SH3KBP1: variants seen among roughly 807,000 people sequenced by gnomAD.
SH3KBP1 encodes the protein SH3 domain containing kinase binding protein 1.
In SH3KBP1, 8 loss-of-function variants were observed where a neutral mutation model predicts 50.1. The observed-to-expected ratio is 0.16, with a 90% confidence interval of 0.09 to 0.29. The LOEUF is 0.29. Ranked by LOEUF, SH3KBP1 falls within the 10% of genes least tolerant of loss-of-function variation. The pLI, the probability that SH3KBP1 is intolerant of heterozygous loss-of-function variation, is 1.00. For missense variants in SH3KBP1, 377 were observed against 535.2 expected, an observed-to-expected ratio of 0.70 and a Z score of 2.92; for synonymous variants, 227 against 218.6, an observed-to-expected ratio of 1.04 and a Z score of -0.34.
chrX:19,738,437 C>A (rs956371124), intron 3 of SH3KBP1, among the ~76,000 whole-genome samples: 1 of 110,343 alleles, frequency 9.1e-6, no homozygotes, highest in Non-Finnish European at 1.9e-5. Flanking sequence ...CCCACTTTCA[C>A]GACATGCCTC....
intron 1 of SH3KBP1, among the ~76,000 whole-genome samples, chrX:19,879,945 G>A (rs2069381989): frequency 8.9e-6 from 1 of 112,200 alleles, no homozygotes; most frequent in Non-Finnish European, 1.9e-5. Context: ...TGCGGGGGGC[G>A]GCTGGCCTGT....
At chrX:19,547,908 A>C (rs1212900860) in intron 14 of SH3KBP1, among the ~76,000 whole-genome samples, 1 of 112,837 alleles carries the variant, frequency 8.9e-6, no homozygotes, top group Non-Finnish European at 1.9e-5. Flanking sequence ...TACACATCCA[A>C]GTAGGGATGA....
rs894454119 is a variant in SH3KBP1 at position 19,617,800 on chromosome X, C to T, written c.898-9755G>A. Reference sequence around the variant, plus strand: ...GCCAGCTAAGGCCCTTCCCATCCACCCTGGAGAGCTGAAGAAATCACCACC... The same window carrying T: ...GCCAGCTAAGGCCCTTCCCATCCACTCTGGAGAGCTGAAGAAATCACCACC... On this transcript the variant is annotated intron_variant, in intron 8 of 17. Coordinates refer to ENST00000397821, the MANE Select transcript of SH3KBP1 (RefSeq NM_031892.3). Among the ~76,000 whole-genome samples, 5 of 112,000 alleles carry T rather than the reference C, an allele frequency of 4.5e-5. 1 individual carries two copies. The highest frequency in any genetic ancestry group is 3.8e-4 in the Admixed American group (4 of 10,600).
At chrX:19,767,150 G>A (rs959772963) in intron 2 of SH3KBP1, among the ~76,000 whole-genome samples, 6 of 112,262 alleles carry the variant, frequency 5.3e-5, no homozygotes, top group African/African-American at 1.9e-4. Context: ...AGTGTTATAG[G>A]AAAAGAGACA....
At chrX:19,572,313 T>C (rs2066043039) in intron 12 of SH3KBP1, among the ~76,000 whole-genome samples, 1 of 106,236 alleles carries the variant, frequency 9.4e-6, no homozygotes, top group South Asian at 3.8e-4. Context: ...ATAGTACATA[T>C]GTTATATAGT....
At chrX:19,623,771 G>C (rs999743187) in intron 8 of SH3KBP1, among the ~76,000 whole-genome samples, 1 of 112,082 alleles carries the variant, frequency 8.9e-6, no homozygotes, top group African/African-American at 3.2e-5. Flanking sequence ...TGAATGCAAA[G>C]CACTCTGAGA....
chrX:19,551,546 CCCT>C (rs1309639670), intron 13 of SH3KBP1, among the ~76,000 whole-genome samples: 27 of 99,182 alleles, frequency 2.7e-4, no homozygotes, highest in Admixed American at 7.4e-4. Flanking sequence ...TTCCCTCCCT[CCCT>C]CTTTTTTTTT....
chrX:19,844,549 C>T (rs2068311078), intron 1 of SH3KBP1, among the ~76,000 whole-genome samples: 2 of 111,474 alleles, frequency 1.8e-5, no homozygotes, highest in South Asian at 7.5e-4. Context: ...ACCTTCACCA[C>T]AACCAATGCC....
At chrX:19,735,471 C>T (rs753034507) in intron 3 of SH3KBP1, among the ~76,000 whole-genome samples, 130 of 109,981 alleles carry the variant, frequency 1.2e-3, no homozygotes, top group African/African-American at 4.0e-3. Flanking sequence ...TGAAACACTG[C>T]TTTAGCCACA....
intron 8 of SH3KBP1, among the ~76,000 whole-genome samples, chrX:19,625,615 A>G (rs754848478): frequency 8.9e-6 from 1 of 112,223 alleles, no homozygotes; most frequent in African/African-American, 3.2e-5. Flanking sequence ...GATCGGAAAC[A>G]TAGATTTCAA....
chrX:19,847,728 C>T (rs1376616828), intron 1 of SH3KBP1, among the ~76,000 whole-genome samples: 2 of 112,053 alleles, frequency 1.8e-5, no homozygotes, highest in African/African-American at 6.5e-5. Context: ...TAACTACCAA[C>T]GTTTGTAAGT....
intron 8 of SH3KBP1, among the ~76,000 whole-genome samples, chrX:19,631,283 A>G (rs1454848789): frequency 8.9e-6 from 1 of 112,792 alleles, no homozygotes; most frequent in African/African-American, 3.2e-5. Context: ...GAAAGCACAC[A>G]AAGTACACAG....
intron 12 of SH3KBP1, among the ~76,000 whole-genome samples, chrX:19,587,938 T>C (rs936991655): frequency 2.7e-5 from 3 of 112,692 alleles, no homozygotes; most frequent in Non-Finnish European, 5.6e-5. Flanking sequence ...TAGAAAGTTC[T>C]GGCAATGAAC....
At chrX:19,841,353 T>C (rs1372851808) in intron 1 of SH3KBP1, among the ~76,000 whole-genome samples, 1 of 112,470 alleles carries the variant, frequency 8.9e-6, no homozygotes, top group African/African-American at 3.2e-5. Context: ...TCACCTAGCA[T>C]CCTGTCTGCT....
At chrX:19,739,013 A>AG (rs200599177) in intron 3 of SH3KBP1, among the ~76,000 whole-genome samples, 6,913 of 88,848 alleles carry the variant, frequency 0.078, 243 homozygotes, top group African/African-American at 0.1. Context: ...TCTGCCTCCA[A>AG]GAAAAAAAAA....
At chrX:19,702,877 T>C (rs2063561269) in intron 4 of SH3KBP1, among the ~76,000 whole-genome samples, 2 of 112,520 alleles carry the variant, frequency 1.8e-5, no homozygotes, top group Non-Finnish European at 3.8e-5. Flanking sequence ...CAATGATTTC[T>C]TTAAAAATAT....
At chrX:19,796,367 T>C (rs2066715938) in intron 2 of SH3KBP1, among the ~76,000 whole-genome samples, 1 of 111,890 alleles carries the variant, frequency 8.9e-6, no homozygotes, top group South Asian at 3.7e-4. Flanking sequence ...CTCCCTGGAA[T>C]TGGTGTAAGG....
At chrX:19,579,150 G>C (rs957543853) in intron 12 of SH3KBP1, among the ~76,000 whole-genome samples, 12 of 112,184 alleles carry the variant, frequency 1.1e-4, no homozygotes, top group East Asian at 2.8e-4. Context: ...GCTATTTATA[G>C]ATGGTGAAGA....
chrX:19,588,164 A>G (rs1220447750), intron 12 of SH3KBP1: 8 of 309,559 alleles, frequency 2.6e-5, no homozygotes, highest in Non-Finnish European at 3.7e-5. Flanking sequence ...TCGGGGTTCC[A>G]TAACAGGCTG....
Sources: gnomAD v4.1 joint callset for allele counts (sites outside exome capture counted in the v4.1 genomes callset) on GRCh38, gnomAD v4.1.1 for gene constraint, MANE v1.5 for transcripts, NCBI Gene and HGNC (gene_info 2026-07-23, HGNC 2026-07-21) for gene names.